DPP10: variants seen among roughly 807,000 people sequenced by gnomAD.
DPP10 encodes inactive dipeptidyl peptidase 10.
Under a neutral mutation model 120.9 loss-of-function variants are expected in DPP10, and 33 were observed. That is an observed-to-expected ratio of 0.27 (90% CI 0.21 to 0.37). The LOEUF (loss-of-function observed/expected upper bound fraction) is 0.37, where lower values mean the gene tolerates loss of function less well. DPP10 is among the 10% of genes least tolerant of loss of function. The pLI is 1.00. For missense variants in DPP10, 816 were observed against 942.8 expected, an observed-to-expected ratio of 0.87 and a Z score of 1.76; for synonymous variants, 337 against 326.1, an observed-to-expected ratio of 1.03 and a Z score of -0.36.
chr2:114,925,748 G>T (rs376361449), intron 1 of DPP10, among the ~76,000 whole-genome samples: 1 of 152,216 alleles, frequency 6.6e-6, no homozygotes, highest in African/African-American at 2.4e-5. Context: ...GAATGTGTAC[G>T]TGCAGGGATA....
At chr2:115,053,865 A>G (rs983576365) in intron 1 of DPP10, among the ~76,000 whole-genome samples, 1 of 152,202 alleles carries the variant, frequency 6.6e-6, no homozygotes, top group African/African-American at 2.4e-5. Flanking sequence ...CATTTTGAGG[A>G]TACAAATATT....
At chr2:114,906,651 A>G (rs1036486303) in intron 1 of DPP10, among the ~76,000 whole-genome samples, 1 of 152,188 alleles carries the variant, frequency 6.6e-6, no homozygotes, top group Non-Finnish European at 1.5e-5. Flanking sequence ...AATATAATAC[A>G]TTATATTAAT....
chr2:114,905,816 G>A (rs1287451235), intron 1 of DPP10, among the ~76,000 whole-genome samples: 4 of 152,058 alleles, frequency 2.6e-5, no homozygotes, highest in Admixed American at 2.6e-4. Flanking sequence ...CCAAAGTGTT[G>A]GGATTACAGG....
chr2:115,086,084 A>G (rs10205094), intron 1 of DPP10, among the ~76,000 whole-genome samples: 120,815 of 152,178 alleles, frequency 0.79, 48,698 homozygotes, highest in Non-Finnish European at 0.88. Flanking sequence ...CTACAAAGCC[A>G]TCCTTTGTTG....
rs761343552 is a variant in DPP10, at chr2:115,739,713, TCTCAAATAACA to T, written c.698-21_698-11del. On this transcript the variant is annotated splice_polypyrimidine_tract_variant and intron_variant, in intron 8 of 25. Coordinates refer to ENST00000410059, the MANE Select transcript of DPP10 (RefSeq NM_020868.6). The stretch of plus-strand genomic sequence containing the variant: ...ACTGAGCCCACATCTCTACAGTTGG[TCTCAAATAACA>T]CTCATTTATTCTAGAGGAACTCCTG... 644 of 1,610,488 alleles carry T rather than the reference TCTCAAATAACA, an allele frequency of 4.0e-4. 1 individual carries two copies. Among genetic ancestry groups the T allele is most frequent in the Non-Finnish European group, 5.0e-4 (589 of 1,177,528 alleles).
At chr2:115,777,419 A>AAGGT in intron 14 of DPP10, 120 bp downstream of exon 14, 2 of 852,424 alleles carry the variant, frequency 2.3e-6, no homozygotes, top group Non-Finnish European at 3.7e-6. Context: ...CATGGAAAGA[A>AAGGT]TAACCTTTCT....
At chr2:114,448,640 C>A (rs1678082004) in intron 1 of DPP10, among the ~76,000 whole-genome samples, 1 of 152,140 alleles carries the variant, frequency 6.6e-6, no homozygotes, top group Admixed American at 6.6e-5. Context: ...GTTTTGGAAC[C>A]ACTGAGCTAA....
At chr2:115,395,566 G>A (rs1490637101) in intron 3 of DPP10, among the ~76,000 whole-genome samples, 1 of 152,108 alleles carries the variant, frequency 6.6e-6, no homozygotes, top group African/African-American at 2.4e-5. Context: ...ACTGATTAAT[G>A]TATGCTGCTC....
At chr2:115,430,062 A>T (rs950157148) in intron 3 of DPP10, among the ~76,000 whole-genome samples, 30 of 152,330 alleles carry the variant, frequency 2.0e-4, no homozygotes, top group African/African-American at 7.0e-4. Context: ...CAAATACCTG[A>T]AACCACTAGT....
At chr2:114,670,380 G>A (rs10202255) in intron 1 of DPP10, among the ~76,000 whole-genome samples, 48,772 of 151,920 alleles carry the variant, frequency 0.32, 10,826 homozygotes, top group African/African-American at 0.63. Flanking sequence ...GTCCTTTGTA[G>A]GGACATGGAT....
intron 1 of DPP10, among the ~76,000 whole-genome samples, chr2:115,059,355 T>TC (rs1029916770): frequency 3.5e-5 from 5 of 144,814 alleles, no homozygotes; most frequent in African/African-American, 1.3e-4. Context: ...GGTATTTCTT[T>TC]TTTTTTTTTT....
chr2:114,618,821 C>T (rs2105320124), intron 1 of DPP10, among the ~76,000 whole-genome samples: 1 of 151,712 alleles, frequency 6.6e-6, no homozygotes, highest in East Asian at 1.9e-4. Context: ...AATCAAATAC[C>T]CTGAGAATTC....
At chr2:114,645,733 G>T (rs1350221190) in intron 1 of DPP10, among the ~76,000 whole-genome samples, 2 of 152,124 alleles carry the variant, frequency 1.3e-5, no homozygotes, top group African/African-American at 2.4e-5. Flanking sequence ...ACTGAAGCTT[G>T]CCAAGGCAAG....
intron 1 of DPP10, among the ~76,000 whole-genome samples, chr2:115,047,890 A>G (rs1372906435): frequency 6.6e-6 from 1 of 152,010 alleles, no homozygotes; most frequent in Non-Finnish European, 1.5e-5. Context: ...CTATCTCTCT[A>G]TCCCTCAGTC....
At chr2:114,752,710 G>A (rs566964732) in intron 1 of DPP10, among the ~76,000 whole-genome samples, 58 of 152,244 alleles carry the variant, frequency 3.8e-4, no homozygotes, top group African/African-American at 1.3e-3. Context: ...TTTCTAAAAC[G>A]TTCTGTTACT....
chr2:115,068,687 A>G (rs1399226863), intron 1 of DPP10, among the ~76,000 whole-genome samples: 1 of 152,114 alleles, frequency 6.6e-6, no homozygotes, highest in Non-Finnish European at 1.5e-5. Flanking sequence ...TCTTTCAATA[A>G]TTTTATAGTT....
At chr2:115,562,089 C>T (rs1346872315) in intron 5 of DPP10, among the ~76,000 whole-genome samples, 2 of 152,182 alleles carry the variant, frequency 1.3e-5, no homozygotes, top group African/African-American at 2.4e-5. Flanking sequence ...AGGTGCTTTA[C>T]TTGTTCCTCA....
chr2:115,031,500 A>G (rs1406717851), intron 1 of DPP10, among the ~76,000 whole-genome samples: 1 of 152,208 alleles, frequency 6.6e-6, no homozygotes, highest in East Asian at 1.9e-4. Flanking sequence ...TTCCTAGATC[A>G]TTGAATCACT....
At chr2:114,746,983 C>G (rs964184633) in intron 1 of DPP10, among the ~76,000 whole-genome samples, 9 of 152,148 alleles carry the variant, frequency 5.9e-5, no homozygotes, top group Admixed American at 4.6e-4. Flanking sequence ...TATATATACA[C>G]TGATATATAC....
Sources: gnomAD v4.1 joint callset for allele counts (sites outside exome capture counted in the v4.1 genomes callset) on GRCh38, gnomAD v4.1.1 for gene constraint, MANE v1.5 for transcripts, NCBI Gene and HGNC (gene_info 2026-07-23, HGNC 2026-07-21) for gene names.